The following TCF7L2 variants were observed in gnomAD, a reference collection of about 807,000 sequenced individuals.
The protein encoded by TCF7L2 is transcription factor 7-like 2.
A neutral mutation model predicts 77.9 loss-of-function variants in TCF7L2; 23 were observed. The observed-to-expected ratio is 0.30, with a 90% confidence interval of 0.21 to 0.42. TCF7L2 has a LOEUF of 0.42. Among genes scored for constraint, TCF7L2 ranks in the 10% least tolerant of loss-of-function variants. The pLI is 1.00. For missense variants in TCF7L2, 654 were observed against 793.1 expected (o/e 0.82, Z 2.11); for synonymous variants, 413 against 340.2 (o/e 1.21, Z -2.36).
intron 6 of TCF7L2, among the ~76,000 whole-genome samples, chr10:113,143,453 G>A (rs1394128256): frequency 6.6e-6 from 1 of 152,222 alleles, no homozygotes; most frequent in East Asian, 1.9e-4. Flanking sequence ...AAAGGCAAGG[G>A]TAGTAACTTT....
intron 5 of TCF7L2, among the ~76,000 whole-genome samples, chr10:113,078,028 G>T (rs1591408047): frequency 1.3e-5 from 2 of 151,514 alleles, no homozygotes; most frequent in Middle Eastern, 3.4e-3. Flanking sequence ...GAGCCACTGT[G>T]CCTGGCCAGG....
chr10:113,020,785 G>C (rs1172179763), intron 4 of TCF7L2, among the ~76,000 whole-genome samples: 2 of 152,104 alleles, frequency 1.3e-5, no homozygotes, highest in Non-Finnish European at 2.9e-5. Context: ...GGGGACAGAG[G>C]GGAGGGAACC....
chr10:113,160,099 A>C, intron 12 of TCF7L2, 107 bp downstream of exon 14: 1 of 962,394 alleles, frequency 1.0e-6, no homozygotes, highest in South Asian at 1.6e-5. Flanking sequence ...GGATCTCAGG[A>C]GACACAGGGG....
intron 4 of TCF7L2, among the ~76,000 whole-genome samples, chr10:113,002,566 A>G (rs954541125): frequency 4.6e-5 from 7 of 152,050 alleles, no homozygotes; most frequent in African/African-American, 1.7e-4. Flanking sequence ...GTCCTCTTCT[A>G]CATTTGATAA....
At chr10:113,077,964 G>A (rs2058898755) in intron 5 of TCF7L2, among the ~76,000 whole-genome samples, 3 of 150,102 alleles carry the variant, frequency 2.0e-5, no homozygotes, top group Non-Finnish European at 3.0e-5. Flanking sequence ...TAGAACTCCT[G>A]ACCTCAAGTG....
intron 4 of TCF7L2, among the ~76,000 whole-genome samples, chr10:113,009,816 C>T (rs922916572): frequency 1.3e-5 from 2 of 152,156 alleles, no homozygotes; most frequent in Admixed American, 6.5e-5. Context: ...GAAGACAACC[C>T]GGTGAGTCTC....
intron 4 of TCF7L2, among the ~76,000 whole-genome samples, chr10:113,018,401 C>G (rs1590520222): frequency 6.8e-6 from 1 of 146,876 alleles, no homozygotes; most frequent in African/African-American, 2.5e-5. Context: ...AGGTTCCCCT[C>G]TAGCCAAAGA....
At chr10:113,145,682 C>A (rs138407660) in intron 7 of TCF7L2, among the ~76,000 whole-genome samples, 1 of 151,936 alleles carries the variant, frequency 6.6e-6, no homozygotes, top group African/African-American at 2.4e-5. Flanking sequence ...GATGTGTAGC[C>A]CTCAATTAGT....
At chr10:113,141,368 G>A (rs923444767) in intron 6 of TCF7L2, 52 bp downstream of exon 6, 13 of 1,611,886 alleles carry the variant, frequency 8.1e-6, no homozygotes, top group Non-Finnish European at 1.1e-5. Context: ...GGGGTTCTGG[G>A]GGAACCTTTG....
chr10:113,157,178 G>A (rs1232889703), intron 11 of TCF7L2, among the ~76,000 whole-genome samples: 2 of 152,384 alleles, frequency 1.3e-5, no homozygotes, highest in Non-Finnish European at 2.9e-5. Flanking sequence ...GCATGCAGTA[G>A]CATGATCTCG....
chr10:113,119,708 T>C (rs562500287), intron 5 of TCF7L2, among the ~76,000 whole-genome samples: 1 of 152,184 alleles, frequency 6.6e-6, no homozygotes, highest in East Asian at 1.9e-4. Context: ...GGTTTCAATA[T>C]AATAGACTAA....
At position 113,165,811 on chromosome 10, in the gene TCF7L2, C is replaced by T; in HGVS notation, c.1648C>T (p.Leu550Phe). ...TGAGGCCACCCACAAGGCCTCCGCC[C>T]TCTGTCCCAACGGGGCCCTGGACCT... Residue 550 changes from leucine to phenylalanine, a missense_variant, in exon 14 of 14, where the codon CTC (leucine) becomes TTC (phenylalanine). Leu to Phe is a conservative substitution (Grantham distance 22). Transcript: ENST00000627217. 2 of 1,604,784 alleles carry T rather than the reference C, an allele frequency of 1.2e-6. No homozygotes were observed. Among genetic ancestry groups the T allele is most frequent in the Non-Finnish European group, 8.5e-7 (1 of 1,174,676 alleles).
intron 5 of TCF7L2, among the ~76,000 whole-genome samples, chr10:113,137,382 ATACTT>A (rs1401476324): frequency 1.3e-5 from 2 of 152,350 alleles, no homozygotes; most frequent in East Asian, 3.9e-4. Context: ...ACTGTGCTAA[ATACTT>A]TACGTGCAAG....
At chr10:113,072,078 A>T (rs1256886738) in intron 5 of TCF7L2, among the ~76,000 whole-genome samples, 1 of 152,138 alleles carries the variant, frequency 6.6e-6, no homozygotes, top group Non-Finnish European at 1.5e-5. Context: ...ATTTTTTGAG[A>T]CGGAGTCTTG....
At chr10:113,007,416 G>A (rs1026901134) in intron 4 of TCF7L2, among the ~76,000 whole-genome samples, 15 of 152,214 alleles carry the variant, frequency 9.9e-5, no homozygotes, top group Non-Finnish European at 2.1e-4. Flanking sequence ...TATATCACAG[G>A]CTGGTAGGCT....
intron 4 of TCF7L2, among the ~76,000 whole-genome samples, chr10:113,025,939 T>A (rs11196195): frequency 6.6e-6 from 1 of 151,578 alleles, no homozygotes; most frequent in African/African-American, 2.4e-5. Flanking sequence ...GTGACAGTGG[T>A]GCTATCTCGG....
intron 5 of TCF7L2, among the ~76,000 whole-genome samples, chr10:113,140,537 CTGCATAAAATATGCAGG>C (rs2068163113): frequency 6.6e-6 from 1 of 152,190 alleles, no homozygotes; most frequent in Admixed American, 6.5e-5. Flanking sequence ...CTGCTGTAAT[CTGCATAAAATATGCAGG>C]TGCTTGTCAG....
At chr10:113,077,260 C>A (rs1423784027) in intron 5 of TCF7L2, among the ~76,000 whole-genome samples, 1 of 152,062 alleles carries the variant, frequency 6.6e-6, no homozygotes, top group Non-Finnish European at 1.5e-5. Flanking sequence ...AAAATGTACT[C>A]AAAATTAAAA....
intron 4 of TCF7L2, among the ~76,000 whole-genome samples, chr10:113,028,705 T>C (rs2049657875): frequency 6.6e-6 from 1 of 152,202 alleles, no homozygotes; most frequent in African/African-American, 2.4e-5. Flanking sequence ...CTTTTGTTGT[T>C]GTGGAATGGG....
Sources: gnomAD v4.1 joint callset for allele counts (sites outside exome capture counted in the v4.1 genomes callset) on GRCh38, gnomAD v4.1.1 for gene constraint, MANE v1.5 for transcripts, NCBI Gene and HGNC (gene_info 2026-07-23, HGNC 2026-07-21) for gene names.